The following BANK1 variants were observed in gnomAD, a reference collection of about 807,000 sequenced individuals.
BANK1 encodes B cell scaffold protein with ankyrin repeats 1, also known as B-cell scaffold protein with ankyrin repeats.
A neutral mutation model predicts 94.5 loss-of-function variants in BANK1; 95 were observed. The observed-to-expected ratio is 1.00, with a 90% CI of 0.85 to 1.19. The LOEUF (loss-of-function observed/expected upper bound fraction) is 1.19, where lower values mean the gene tolerates loss of function less well. Ranked by LOEUF, BANK1 falls within the 50% of genes most tolerant of loss-of-function variation. The pLI is 0.00. For missense variants in BANK1, 987 were observed against 932.2 expected (o/e 1.06, Z -0.77); for synonymous variants, 334 against 308.4 (o/e 1.08, Z -0.87).
intron 15 of BANK1, among the ~76,000 whole-genome samples, chr4:102,073,316 G>A (rs1728817401): frequency 6.6e-6 from 1 of 151,420 alleles, no homozygotes; most frequent in African/African-American, 2.4e-5. Flanking sequence ...GCAAAAGTGG[G>A]TGCATTATGG....
chr4:102,067,769 A>G (rs994757816), intron 13 of BANK1, among the ~76,000 whole-genome samples: 3 of 152,072 alleles, frequency 2.0e-5, no homozygotes, highest in Admixed American at 2.0e-4. Context: ...TTAAAGATAC[A>G]GAAGACCTAA....
chr4:101,855,951 C>G (rs182125146), intron 3 of BANK1, among the ~76,000 whole-genome samples: 75 of 152,204 alleles, frequency 4.9e-4, no homozygotes, highest in Non-Finnish European at 7.6e-4. Flanking sequence ...TAAGCCTTTC[C>G]AAATATCTGA....
chr4:101,847,054 A>T (rs1030528320), intron 2 of BANK1, among the ~76,000 whole-genome samples: 1 of 152,124 alleles, frequency 6.6e-6, no homozygotes, highest in Admixed American at 6.6e-5. Context: ...TCCCCTCATT[A>T]GATTGCAAGT....
chr4:101,946,940 T>C (rs889478710), intron 7 of BANK1, among the ~76,000 whole-genome samples: 1 of 151,918 alleles, frequency 6.6e-6, no homozygotes, highest in African/African-American at 2.4e-5. Flanking sequence ...CTTTATTTTC[T>C]TTTATGATGA....
At chr4:102,033,364 G>A (rs1268977807) in intron 10 of BANK1, among the ~76,000 whole-genome samples, 1 of 152,158 alleles carries the variant, frequency 6.6e-6, no homozygotes, top group African/African-American at 2.4e-5. Flanking sequence ...CCATCCCTAA[G>A]TAAAATAAGT....
chr4:101,845,971 C>T (rs947037165), intron 2 of BANK1, among the ~76,000 whole-genome samples: 6 of 152,236 alleles, frequency 3.9e-5, no homozygotes, highest in African/African-American at 7.2e-5. Flanking sequence ...CCCATTAACT[C>T]GTCATTTACC....
chr4:102,063,207 A>G lies in BANK1; in HGVS notation c.2212+69A>G, dbSNP rs926003195. ...CGTTGAAAATTCAAGGACTGTGGAG[A>G]TGATTGGGCCTGAGTTCAAATCTAA... On this transcript the variant is annotated intron_variant, in intron 13 of 16. Coordinates refer to ENST00000322953, the MANE Select transcript of BANK1 (RefSeq NM_017935.5). 17 of 1,391,378 alleles carry G rather than the reference A, an allele frequency of 1.2e-5. No individual in the cohort carries two copies. In the East Asian group the frequency reaches 3.9e-4, roughly 32 times the overall value. 86.2% of individuals were successfully genotyped at this position (1,391,378 alleles called of 1,614,324 possible).
At chr4:101,825,197 T>G (rs1008977227) in intron 1 of BANK1, among the ~76,000 whole-genome samples, 5 of 152,166 alleles carry the variant, frequency 3.3e-5, no homozygotes, top group African/African-American at 9.6e-5. Context: ...TTTCCAGGAA[T>G]GGAAATTTTA....
At chr4:101,968,806 A>G (rs1363694769) in intron 7 of BANK1, among the ~76,000 whole-genome samples, 1 of 152,116 alleles carries the variant, frequency 6.6e-6, no homozygotes, top group Non-Finnish European at 1.5e-5. Flanking sequence ...GGAAATCCAA[A>G]CAAATAGATA....
intron 11 of BANK1, among the ~76,000 whole-genome samples, chr4:102,057,101 A>AACTT (rs1361780004): frequency 6.6e-6 from 1 of 152,182 alleles, no homozygotes; most frequent in African/African-American, 2.4e-5. Context: ...CCTTACTTGG[A>AACTT]ACTTACAAAT....
intron 10 of BANK1, among the ~76,000 whole-genome samples, chr4:102,037,265 C>T (rs970608289): frequency 6.6e-6 from 1 of 152,106 alleles, no homozygotes; most frequent in South Asian, 2.1e-4. Flanking sequence ...ACTGGACAGC[C>T]CCATAACAAA....
At chr4:101,818,343 T>A (rs1182512098) in intron 1 of BANK1, among the ~76,000 whole-genome samples, 1 of 152,214 alleles carries the variant, frequency 6.6e-6, no homozygotes, top group Non-Finnish European at 1.5e-5. Flanking sequence ...AAATATATCA[T>A]CTGTGGAATA....
intron 1 of BANK1, among the ~76,000 whole-genome samples, chr4:101,791,942 G>C (rs1404780642): frequency 6.6e-6 from 1 of 152,130 alleles, no homozygotes; most frequent in African/African-American, 2.4e-5. Context: ...ATTGCATATT[G>C]ACATTCTTGA....
At chr4:102,007,595 G>A (rs1424018835) in intron 7 of BANK1, among the ~76,000 whole-genome samples, 2 of 152,178 alleles carry the variant, frequency 1.3e-5, no homozygotes, top group East Asian at 1.9e-4. Flanking sequence ...AAAATAATAT[G>A]TGGAATTTTG....
chr4:101,807,015 G>A (rs1475904585), intron 1 of BANK1, among the ~76,000 whole-genome samples: 2 of 152,184 alleles, frequency 1.3e-5, no homozygotes, highest in African/African-American at 2.4e-5. Context: ...GAACTAGTTA[G>A]CAAGGAGAAG....
chr4:101,825,418 A>G (rs767977083), intron 1 of BANK1, among the ~76,000 whole-genome samples: 10 of 152,068 alleles, frequency 6.6e-5, no homozygotes, highest in African/African-American at 9.7e-5. Flanking sequence ...ACAAACTTCT[A>G]TTTTCTAGAA....
intron 7 of BANK1, among the ~76,000 whole-genome samples, chr4:101,936,369 ATG>A (rs1490043919): frequency 6.7e-6 from 1 of 150,102 alleles, no homozygotes; most frequent in Admixed American, 6.7e-5. Context: ...ACATGCATAT[ATG>A]TGTGCATACA....
At chr4:101,953,455 T>C (rs989483632) in intron 7 of BANK1, among the ~76,000 whole-genome samples, 1 of 151,882 alleles carries the variant, frequency 6.6e-6, no homozygotes, top group African/African-American at 2.4e-5. Flanking sequence ...CTTGAAGAAA[T>C]ATGTAGAACA....
intron 7 of BANK1, among the ~76,000 whole-genome samples, chr4:101,946,833 C>T (rs1723945655): frequency 6.6e-6 from 1 of 151,956 alleles, no homozygotes; most frequent in Non-Finnish European, 1.5e-5. Context: ...CGCTGAAATT[C>T]TAGAAGGTCA....
Sources: allele counts gnomAD v4.1 joint callset (sites outside exome capture counted in the v4.1 genomes callset), GRCh38; gene constraint gnomAD v4.1.1; transcripts MANE v1.5; gene names NCBI Gene and HGNC (gene_info 2026-07-23, HGNC 2026-07-21).